The following DR1 variants were observed in gnomAD, a reference collection of about 807,000 sequenced individuals.
The protein encoded by DR1 is down-regulator of transcription 1, also known as protein Dr1.
Under a neutral mutation model 19.9 loss-of-function variants are expected in DR1, and 7 were observed. The ratio of observed to expected loss-of-function variants is 0.35; its 90% CI spans 0.20 to 0.66. The LOEUF is 0.66. DR1 is among the 30% of genes least tolerant of loss of function. The pLI is 0.66. For missense variants in DR1, 98 were observed against 203.7 expected (o/e 0.48, Z 3.16); for synonymous variants, 76 against 72.5 (o/e 1.05, Z -0.24).
In DR1 at chr1:93,367,178, T is replaced by G. The variant is rs1667175972; in HGVS notation, c.*6539T>G. 1 of 151,430 alleles carries G rather than the reference T, an allele frequency of 6.6e-6. No homozygotes were observed. Among genetic ancestry groups the G allele is most frequent in the Non-Finnish European group, 1.5e-5 (1 of 67,980 alleles). 9.4% of individuals were successfully genotyped at this position (151,430 alleles called of 1,614,324 possible). A position where few individuals can be genotyped will look rare whatever the true frequency, so the allele number is the denominator to read the frequency against. ...AAAAAAAAAAAAAAGTAAAAATTAT[T>G]TACCCAATATTTGGCGAATCAGTGA... is the stretch of plus-strand genomic sequence containing the variant. On this transcript the variant is annotated 3_prime_UTR_variant, in exon 3 of 3. Transcript: ENST00000370272.
Position 93,361,092 on chromosome 1 carries a change from GAGTTC to G in DR1, c.*459_*463del, listed in dbSNP as rs1378303265. ...TAGACATTGGATTGGGTTGGTGAAA[GAGTTC>G]AGTTCTGTAGTATCTGAATTTGTCT... On this transcript the variant is annotated 3_prime_UTR_variant, in exon 3 of 3. Transcript: ENST00000370272. The G allele has an allele frequency of 6.3e-6, 1 of 159,760 alleles. No individual in the cohort carries two copies. The highest frequency in any genetic ancestry group is 2.4e-5 in the African/African-American group (1 of 41,422). The allele number at this position is 159,760 out of a possible 1,614,324, so 9.9% of individuals were successfully genotyped here.
At position 93,367,149 on chromosome 1, in the gene DR1, CA is replaced by C. The variant is rs10586913; in HGVS notation, c.*6527del. On this transcript the variant is annotated 3_prime_UTR_variant, in exon 3 of 3. Transcript: ENST00000370272. ...TGGGTGACAGAATGAGACCCTGTCT[CA>C]AAAAAAAAAAAAAAAAGTAAAAATT... The C allele has an allele frequency of 1.5e-4, 21 of 142,182 alleles. No homozygotes were observed. The highest frequency in any genetic ancestry group is 1.4e-4 in the Admixed American group (2 of 14,436). 8.8% of individuals were successfully genotyped at this position (142,182 alleles called of 1,614,324 possible). A position where few individuals can be genotyped will look rare whatever the true frequency, so the allele number is the denominator to read the frequency against.
At chr1:93,357,896 TA>T (rs200079470) in intron 2 of DR1, among the ~76,000 whole-genome samples, 4 of 151,068 alleles carry the variant, frequency 2.6e-5, no homozygotes, top group African/African-American at 9.7e-5. Flanking sequence ...ACTATAGATA[TA>T]AAAAAAAATG....
rs1223165083 is a variant in DR1 at position 93,366,272 on chromosome 1, C to A, written c.*5633C>A. Reference sequence around the variant, plus strand: ...CCAAATATGCCGTAGTATGTAAATACCGTATTTTGTTTATCAGTTCATCCA... The same window carrying A: ...CCAAATATGCCGTAGTATGTAAATAACGTATTTTGTTTATCAGTTCATCCA... On this transcript the variant is annotated 3_prime_UTR_variant, in exon 3 of 3. Transcript: ENST00000370272. The A allele has an allele frequency of 2.0e-5, 3 of 152,108 alleles. No individual in the cohort carries two copies. Among genetic ancestry groups the A allele is most frequent in the Non-Finnish European group, 4.4e-5 (3 of 68,022 alleles). The allele number at this position is 152,108 out of a possible 1,614,324, so 9.4% of individuals were successfully genotyped here.
chr1:93,346,625 C>T lies in DR1; in HGVS notation c.-21C>T, dbSNP rs1485593552. On this transcript the variant is annotated 5_prime_UTR_variant, in exon 1 of 3. Coordinates refer to ENST00000370272, the MANE Select transcript of DR1 (RefSeq NM_001938.3). ...GCTGGGGAGTTTTTAAAAGCCGGGG[C>T]GCGAGAAACAGGAAGGTACTATGGC... The T allele has an allele frequency of 6.2e-7, 1 of 1,605,408 alleles. No homozygotes were observed. The highest frequency in any genetic ancestry group is 8.5e-7 in the Non-Finnish European group (1 of 1,173,516).
Position 93,353,930 on chromosome 1 carries a change from C to T in DR1, c.243C>T (p.Gly81=). 1 of 1,606,826 alleles carries T rather than the reference C, an allele frequency of 6.2e-7. No individual in the cohort carries two copies. Among genetic ancestry groups the T allele is most frequent in the Middle Eastern group, 1.7e-4 (1 of 6,028 alleles). ...TAGCACTAGAAAGTTTGGGATTTGGCTCTTACATCAGTGAAGTAAAAGAAG... is the reference window on the plus strand; with the variant it reads ...TAGCACTAGAAAGTTTGGGATTTGGTTCTTACATCAGTGAAGTAAAAGAAG... ...VIQALESLGF[G]SYISEVKEVL... The change falls in exon 2 of 3, where the codon GGC becomes GGT. Residue 81 remains glycine (G), a synonymous_variant. Coordinates refer to ENST00000370272, the MANE Select transcript of DR1 (RefSeq NM_001938.3).
Position 93,346,806 on chromosome 1 carries a change from C to G in DR1, c.161C>G (p.Ala54Gly), listed in dbSNP as rs1354541937. The change falls in exon 1 of 3, where the codon GCC becomes GGC. Residue 54 changes from alanine to glycine, a missense_variant. Transcript: ENST00000370272. ...TTCATTCACCTTATATCTTCTGAAG[C>G]CAATGAGATTTGTAACAAATCGGAA... ...TEFIHLISSE[A>G]NEICNKSEKK... 1.2e-6 allele frequency: 2 copies of G among 1,614,000 alleles called. No individual in the cohort carries two copies. The highest frequency in any genetic ancestry group is 1.7e-6 in the Non-Finnish European group (2 of 1,179,976).
chr1:93,351,585 G>A (rs895095496), intron 1 of DR1, among the ~76,000 whole-genome samples: 1 of 151,776 alleles, frequency 6.6e-6, no homozygotes, highest in Non-Finnish European at 1.5e-5. Context: ...ACAGGCGTGT[G>A]CCACCACGCC....
At position 93,366,029 on chromosome 1, in the gene DR1, C is replaced by T. The variant is rs1667123985; in HGVS notation, c.*5390C>T. On this transcript the variant is annotated 3_prime_UTR_variant, in exon 3 of 3. Coordinates refer to ENST00000370272, the MANE Select transcript of DR1 (RefSeq NM_001938.3). ...TTGTGCAACCACCACCACCATCCGTCTACAGAACTCTTCATCTTCCCAAAC... is the reference window on the plus strand; with the variant it reads ...TTGTGCAACCACCACCACCATCCGTTTACAGAACTCTTCATCTTCCCAAAC... 1 of 152,214 alleles carries T rather than the reference C, an allele frequency of 6.6e-6. No homozygotes were observed. Among genetic ancestry groups the T allele is most frequent in the Non-Finnish European group, 1.5e-5 (1 of 68,042 alleles). 9.4% of individuals were successfully genotyped at this position (152,214 alleles called of 1,614,324 possible).
At position 93,346,314 on chromosome 1, in the gene DR1, C is replaced by T; in HGVS notation, c.-332C>T. On this transcript the variant is annotated 5_prime_UTR_variant, in exon 1 of 3. Coordinates refer to ENST00000370272, the MANE Select transcript of DR1 (RefSeq NM_001938.3). ...CCGACGCCGTTGGGGACCAGTTAGG[C>T]GACAGCGCCCGCCCCTCTGAGGAGA... is the stretch of plus-strand genomic sequence containing the variant. 1 of 341,770 alleles carries T rather than the reference C, an allele frequency of 2.9e-6. No homozygotes were observed. The highest frequency in any genetic ancestry group is 5.6e-6 in the Non-Finnish European group (1 of 178,746). 21.2% of individuals were successfully genotyped at this position (341,770 alleles called of 1,614,324 possible).
intron 2 of DR1, chr1:93,355,202 T>G (rs1215148916): frequency 6.6e-6 from 1 of 152,218 alleles, no homozygotes; most frequent in African/African-American, 2.4e-5. Context: ...GGCAGAGTTT[T>G]TATGAAATAT....
chr1:93,363,242 T>C lies in DR1; in HGVS notation c.*2603T>C, dbSNP rs1417249994. 1 of 152,166 alleles carries C rather than the reference T, an allele frequency of 6.6e-6. No individual in the cohort carries two copies. The highest frequency in any genetic ancestry group is 1.5e-5 in the Non-Finnish European group (1 of 68,018). The allele number at this position is 152,166 out of a possible 1,614,324, so 9.4% of individuals were successfully genotyped here. On this transcript the variant is annotated 3_prime_UTR_variant, in exon 3 of 3. Transcript: ENST00000370272. Reference sequence around the variant, plus strand: ...CTATCCTGACTTCTAAAATCATAGATTAGTTTTGCCTGTTTTTTATTTTAT... The same window carrying C: ...CTATCCTGACTTCTAAAATCATAGACTAGTTTTGCCTGTTTTTTATTTTAT...
chr1:93,349,267 A>AT (rs1342744204), intron 1 of DR1, among the ~76,000 whole-genome samples: 2 of 151,778 alleles, frequency 1.3e-5, no homozygotes, highest in Admixed American at 6.6e-5. Context: ...ATTTAAAAAA[A>AT]TTTTTTTTTC....
In DR1 at chr1:93,368,204, A is replaced by G. The variant is rs762868902; in HGVS notation, c.*7565A>G. Reference sequence around the variant, plus strand: ...GCACACCATTAAAAATAATAGACATACAGTATGCAGTATTTTGTTTTACTT... The same window carrying G: ...GCACACCATTAAAAATAATAGACATGCAGTATGCAGTATTTTGTTTTACTT... On this transcript the variant is annotated 3_prime_UTR_variant, in exon 3 of 3. Coordinates refer to ENST00000370272, the MANE Select transcript of DR1 (RefSeq NM_001938.3). 1.3e-5 allele frequency: 2 copies of G among 152,292 alleles called. No homozygotes were observed. The highest frequency in any genetic ancestry group is 2.9e-5 in the Non-Finnish European group (2 of 68,040). 9.4% of individuals were successfully genotyped at this position (152,292 alleles called of 1,614,324 possible).
intron 1 of DR1, among the ~76,000 whole-genome samples, chr1:93,348,442 G>A (rs771463): frequency 0.72 from 110,176 of 151,982 alleles, 42,618 homozygotes; most frequent in East Asian, 0.96. Flanking sequence ...AAAGATTTCA[G>A]CAGGGTCTGC....
chr1:93,354,081 T>G lies in DR1; in HGVS notation c.384+10T>G. ...AGAATTATTTGCAAAAGTAAGTAATTTATTTAAATTATTTTCCTCTGAATC... is the reference window on the plus strand; with the variant it reads ...AGAATTATTTGCAAAAGTAAGTAATGTATTTAAATTATTTTCCTCTGAATC... On this transcript the variant is annotated intron_variant, in intron 2 of 2. Coordinates refer to ENST00000370272, the MANE Select transcript of DR1 (RefSeq NM_001938.3). 2 of 1,606,334 alleles carry G rather than the reference T, an allele frequency of 1.2e-6. No individual in the cohort carries two copies. The highest frequency in any genetic ancestry group is 2.2e-5 in the East Asian group (1 of 44,746).
At chr1:93,350,027 A>G (rs1479296968) in intron 1 of DR1, among the ~76,000 whole-genome samples, 2 of 152,206 alleles carry the variant, frequency 1.3e-5, no homozygotes, top group Admixed American at 1.3e-4. Context: ...TCGTTTATAC[A>G]GATATTTTTT....
chr1:93,360,623 A>G lies in DR1; in HGVS notation c.515A>G (p.Asp172Gly). 2 of 1,586,892 alleles carry G rather than the reference A, an allele frequency of 1.3e-6. No homozygotes were observed. The highest frequency in any genetic ancestry group is 1.7e-6 in the Non-Finnish European group (2 of 1,170,796). ...GCGGGATCTTCTCAGGATGAAGAAGATGATGATGATATCTGAAATTCACCA... is the reference window on the plus strand; with the variant it reads ...GCGGGATCTTCTCAGGATGAAGAAGGTGATGATGATATCTGAAATTCACCA... ...NQAGSSQDEE[D>G]DDDI The change falls in exon 3 of 3, where the codon GAT becomes GGT. Residue 172 changes from aspartate (D) to glycine (G), a missense_variant. By Grantham distance (94) the Asp-to-Gly change is moderately conservative. Coordinates refer to ENST00000370272, the MANE Select transcript of DR1 (RefSeq NM_001938.3).
At position 93,368,599 on chromosome 1, in the gene DR1, C is replaced by T. The variant is rs1010716851; in HGVS notation, c.*7960C>T. ...TAATACGTTTGTTTCTTTTGTTGTG[C>T]CTATAAAAGATGCCATTAACTTCAT... On this transcript the variant is annotated 3_prime_UTR_variant, in exon 3 of 3. Transcript: ENST00000370272. 1 of 152,056 alleles carries T rather than the reference C, an allele frequency of 6.6e-6. No homozygotes were observed. Among genetic ancestry groups the T allele is most frequent in the Non-Finnish European group, 1.5e-5 (1 of 68,008 alleles). 9.4% of individuals were successfully genotyped at this position (152,056 alleles called of 1,614,324 possible). A position where few individuals can be genotyped will look rare whatever the true frequency, so the allele number is the denominator to read the frequency against.
Sources: gnomAD v4.1 joint callset for allele counts (sites outside exome capture counted in the v4.1 genomes callset) on GRCh38, gnomAD v4.1.1 for gene constraint, MANE v1.5 for transcripts, NCBI Gene and HGNC (gene_info 2026-07-23, HGNC 2026-07-21) for gene names.